Variants in ADAMTS20 observed in about 807,000 individuals in gnomAD.
ADAMTS20 encodes the protein ADAM metallopeptidase with thrombospondin type 1 motif 20, also known as A disintegrin and metalloproteinase with thrombospondin motifs 20.
A neutral mutation model predicts 260.1 loss-of-function variants in ADAMTS20; 225 were observed. The ratio of observed to expected loss-of-function variants is 0.87; its 90% CI spans 0.78 to 0.97. The LOEUF (loss-of-function observed/expected upper bound fraction) is 0.97. Among genes scored for constraint, ADAMTS20 ranks in the 50% least tolerant of loss-of-function variants. The pLI, the probability that ADAMTS20 is intolerant of heterozygous loss-of-function variation, is 0.00. For synonymous variants in ADAMTS20, 802 were observed against 769.5 expected (o/e 1.04, Z -0.70); for missense variants, 2,400 against 2,337.7 (o/e 1.03, Z -0.55).
intron 7 of ADAMTS20, among the ~76,000 whole-genome samples, chr12:43,477,725 C>G (rs192335609): frequency 1.3e-5 from 2 of 152,142 alleles, no homozygotes; most frequent in Admixed American, 1.3e-4. Context: ...TCATACTTTT[C>G]AAATTCTAGG....
At chr12:43,356,736 T>C (rs1939754418) in intron 37 of ADAMTS20, 148 bp from the exon 38 acceptor site, 1 of 559,624 alleles carries the variant, frequency 1.8e-6, no homozygotes, top group Non-Finnish European at 3.1e-6. Context: ...TAGGACTCTA[T>C]GATTCGACAA....
chr12:43,421,064 C>T (rs2137288151), intron 28 of ADAMTS20, among the ~76,000 whole-genome samples: 1 of 151,878 alleles, frequency 6.6e-6, no homozygotes, highest in African/African-American at 2.4e-5. Context: ...CCGCCTCAGC[C>T]TCCCAAAGTG....
At chr12:43,487,396 A>G (rs1942538895) in intron 7 of ADAMTS20, among the ~76,000 whole-genome samples, 1 of 144,578 alleles carries the variant, frequency 6.9e-6, no homozygotes, top group Admixed American at 6.8e-5. Flanking sequence ...AGAGTGGCAC[A>G]ATGGACACTG....
At chr12:43,543,715 A>C (rs537226893) in intron 2 of ADAMTS20, among the ~76,000 whole-genome samples, 1 of 152,150 alleles carries the variant, frequency 6.6e-6, no homozygotes, top group African/African-American at 2.4e-5. Flanking sequence ...AATAAAGACT[A>C]TTGGTGATCA....
At chr12:43,407,547 A>G (rs961494044) in intron 28 of ADAMTS20, among the ~76,000 whole-genome samples, 2 of 151,894 alleles carry the variant, frequency 1.3e-5, no homozygotes, top group African/African-American at 2.4e-5. Flanking sequence ...TCACTTTCAA[A>G]TATAAAACCT....
intron 5 of ADAMTS20, among the ~76,000 whole-genome samples, chr12:43,492,900 C>T (rs1228330116): frequency 2.0e-5 from 3 of 152,138 alleles, no homozygotes; most frequent in Non-Finnish European, 4.4e-5. Flanking sequence ...AATCCTCTGA[C>T]ATTAGGATTA....
chr12:43,455,117 C>T (rs1197224688), intron 11 of ADAMTS20, among the ~76,000 whole-genome samples: 1 of 152,158 alleles, frequency 6.6e-6, no homozygotes, highest in Non-Finnish European at 1.5e-5. Context: ...TTTGACTACT[C>T]CAGATAGTTC....
At chr12:43,440,136 T>G in intron 16 of ADAMTS20, 67 bp from the exon 17 acceptor site, 1 of 1,099,794 alleles carries the variant, frequency 9.1e-7, no homozygotes, top group Non-Finnish European at 1.2e-6. Flanking sequence ...AACACTTGTT[T>G]AACTTTTTTT....
chr12:43,426,753 T>C (rs1394627283), intron 27 of ADAMTS20, among the ~76,000 whole-genome samples: 1 of 152,182 alleles, frequency 6.6e-6, no homozygotes, highest in East Asian at 1.9e-4. Context: ...AACCTAATTT[T>C]CTAAGAAATT....
At chr12:43,471,536 CACAG>C (rs1289458373) in intron 7 of ADAMTS20, among the ~76,000 whole-genome samples, 2 of 131,604 alleles carry the variant, frequency 1.5e-5, no homozygotes, top group African/African-American at 5.8e-5. Context: ...GGGGGCAGGG[CACAG>C]ACAAACAAAA....
chr12:43,423,660 T>C (rs1941275840), intron 28 of ADAMTS20: 1 of 690,512 alleles, frequency 1.4e-6, no homozygotes, highest in Non-Finnish European at 2.6e-6. Flanking sequence ...AGAAAGTGGA[T>C]TTCCAATCTA....
chr12:43,501,523 G>T (rs1280522875), intron 4 of ADAMTS20, among the ~76,000 whole-genome samples: 2 of 112,572 alleles, frequency 1.8e-5, no homozygotes, highest in African/African-American at 6.2e-5. Flanking sequence ...GAAGCGTGAT[G>T]CCACTTACAC....
At chr12:43,463,021 G>C in intron 10 of ADAMTS20, 22 bp from the exon 11 acceptor site, 1 of 1,545,102 alleles carries the variant, frequency 6.5e-7, no homozygotes, top group Admixed American at 1.9e-5. Flanking sequence ...CAAAAGGCAG[G>C]CAAGCCAGTG....
chr12:43,418,926 T>C (rs1057401711), intron 28 of ADAMTS20, among the ~76,000 whole-genome samples: 2 of 152,178 alleles, frequency 1.3e-5, no homozygotes, highest in African/African-American at 2.4e-5. Context: ...ACCTTGTTAT[T>C]TGGAGGTATT....
intron 28 of ADAMTS20, among the ~76,000 whole-genome samples, chr12:43,416,884 T>A (rs796425034): frequency 7.2e-5 from 11 of 152,252 alleles, no homozygotes; most frequent in African/African-American, 2.6e-4. Flanking sequence ...ACCTGGTACC[T>A]CTTTTCCCAA....
intron 5 of ADAMTS20, 35 bp downstream of exon 5, chr12:43,493,135 C>T (rs372838524): frequency 3.6e-6 from 5 of 1,405,840 alleles, no homozygotes; most frequent in Middle Eastern, 2.2e-4. Flanking sequence ...AAACTTACTA[C>T]AACTAAGGTT....
intron 3 of ADAMTS20, among the ~76,000 whole-genome samples, chr12:43,508,960 G>T (rs1565576725): frequency 6.6e-6 from 1 of 152,016 alleles, no homozygotes; most frequent in African/African-American, 2.4e-5. Flanking sequence ...GTGTCCATGT[G>T]TTCTCATTGT....
rs76832037 is a variant in ADAMTS20 at position 43,551,351 on chromosome 12, C to T, written c.92-81G>A. 0.012 allele frequency: 17,569 copies of T among 1,520,762 alleles called. 156 individuals carry two copies. The highest frequency in any genetic ancestry group is 0.012 in the Non-Finnish European group (13,783 of 1,135,216). 94.2% of individuals were successfully genotyped at this position (1,520,762 alleles called of 1,614,324 possible). On this transcript the variant is annotated intron_variant, in intron 1 of 38. Transcript: ENST00000389420. The surrounding 1 kb of genome is among the most constrained non-coding windows in gnomAD (Gnocchi z 4.6). ...CTAAACTTCTTCCACCAAACGTCCC[C>T]GCTAAAGGTCCCAGGTCCCAGTACA...
At chr12:43,384,164 G>T (rs894005055) in intron 29 of ADAMTS20, among the ~76,000 whole-genome samples, 187 bp from the exon 30 acceptor site, 2 of 152,014 alleles carry the variant, frequency 1.3e-5, no homozygotes, top group African/African-American at 4.8e-5. Flanking sequence ...TTCCCTGTTT[G>T]GCATAAGGCA....
Sources: allele counts gnomAD v4.1 joint callset (sites outside exome capture counted in the v4.1 genomes callset), GRCh38; gene constraint gnomAD v4.1.1; non-coding constraint Gnocchi (gnomAD v3.1); transcripts MANE v1.5; gene names NCBI Gene and HGNC (gene_info 2026-07-23, HGNC 2026-07-21).